TRPM3: variants seen among roughly 807,000 people sequenced by gnomAD.
The protein encoded by TRPM3 is transient receptor potential cation channel subfamily M member 3.
A neutral mutation model predicts 181.2 loss-of-function variants in TRPM3; 77 were observed. The ratio of observed to expected loss-of-function variants is 0.42; its 90% confidence interval spans 0.35 to 0.51. The LOEUF (loss-of-function observed/expected upper bound fraction) is 0.51, where lower values mean the gene tolerates loss of function less well. Among genes scored for constraint, TRPM3 ranks in the 20% least tolerant of loss-of-function variants. The pLI is 0.01. For missense variants in TRPM3, 1,759 were observed against 2,196.7 expected (o/e 0.80, Z 3.98); for synonymous variants, 745 against 796.4 (o/e 0.94, Z 1.09).
chr9:71,183,964 C>T (rs945718862), intron 1 of TRPM3, among the ~76,000 whole-genome samples: 7 of 152,106 alleles, frequency 4.6e-5, no homozygotes, highest in Non-Finnish European at 8.8e-5. Context: ...GCAATTCATT[C>T]AGGCCCCCAC....
chr9:71,340,265 A>T (rs1350096678), intron 1 of TRPM3, among the ~76,000 whole-genome samples: 1 of 152,150 alleles, frequency 6.6e-6, no homozygotes, highest in African/African-American at 2.4e-5. Context: ...GCTGGGCTGG[A>T]GTGAAAGGTA....
chr9:70,688,969 T>G (rs889848301), intron 8 of TRPM3, among the ~76,000 whole-genome samples: 1 of 152,090 alleles, frequency 6.6e-6, no homozygotes, highest in African/African-American at 2.4e-5. Context: ...ATTTGTTGAG[T>G]AGATGAATTA....
chr9:70,633,393 G>C (rs2066257733), intron 12 of TRPM3, among the ~76,000 whole-genome samples: 1 of 152,194 alleles, frequency 6.6e-6, no homozygotes, highest in Non-Finnish European at 1.5e-5. Context: ...GTTGAGGGTA[G>C]ATCTACTACG....
chr9:70,874,875 T>G (rs1387898907), intron 1 of TRPM3, among the ~76,000 whole-genome samples: 1 of 151,932 alleles, frequency 6.6e-6, no homozygotes, highest in Non-Finnish European at 1.5e-5. Context: ...TCTCTTTCTC[T>G]CTCTCTGTCT....
intron 1 of TRPM3, among the ~76,000 whole-genome samples, chr9:71,297,391 A>C (rs1388133682): frequency 6.6e-6 from 1 of 152,136 alleles, no homozygotes; most frequent in Non-Finnish European, 1.5e-5. Context: ...ATGCTGCTAT[A>C]AACAACTGCC....
Position 71,080,169 on chromosome 9 carries a change from T to C in TRPM3, c.177+41009A>G, listed in dbSNP as rs1565149060. 1.6e-4 allele frequency among the ~76,000 whole-genome samples: 4 copies of C among 24,956 alleles called. No homozygotes were observed. In the South Asian group the frequency reaches 4.3e-3, roughly 27 times the overall value. The allele number at this position is 24,956 out of a possible 152,430, so 16.4% of individuals were successfully genotyped here. A position where few individuals can be genotyped will look rare whatever the true frequency, so the allele number is the denominator to read the frequency against. ...TGGACAACAAGAGTCAAACTCCATC[T>C]CAAAATAAATAAATAAATAAATAAA... On this transcript the variant is annotated intron_variant, in intron 1 of 25. Coordinates refer to ENST00000677713, the MANE Select transcript of TRPM3 (RefSeq NM_001366145.2).
chr9:70,829,499 A>G (rs558648959), intron 5 of TRPM3, among the ~76,000 whole-genome samples: 6 of 152,324 alleles, frequency 3.9e-5, no homozygotes, highest in East Asian at 1.9e-4. Flanking sequence ...AAATGTGTAT[A>G]TAATTCTGAG....
intron 1 of TRPM3, among the ~76,000 whole-genome samples, chr9:71,036,925 A>T (rs2058276218): frequency 6.6e-6 from 1 of 152,234 alleles, no homozygotes; most frequent in Non-Finnish European, 1.5e-5. Context: ...GATATTTTGG[A>T]CAACCCACTA....
chr9:71,035,148 C>A (rs1236555540), intron 1 of TRPM3, among the ~76,000 whole-genome samples: 1 of 152,100 alleles, frequency 6.6e-6, no homozygotes, highest in Non-Finnish European at 1.5e-5. Context: ...AAATTCATTG[C>A]TTTTTCGTAA....
chr9:70,996,884 C>T (rs1305310228), intron 1 of TRPM3, among the ~76,000 whole-genome samples: 2 of 152,198 alleles, frequency 1.3e-5, no homozygotes, highest in Non-Finnish European at 2.9e-5. Context: ...TTTTGGATCA[C>T]AGGAAGTTTT....
At chr9:70,831,981 A>ATATATATATATATATATATATT (rs1564497373) in intron 5 of TRPM3, among the ~76,000 whole-genome samples, 6 of 119,396 alleles carry the variant, frequency 5.0e-5, no homozygotes, top group Non-Finnish European at 8.9e-5. Flanking sequence ...ATATATATAT[A>ATATATATATATATATATATATT]TATATATATA....
intron 6 of TRPM3, among the ~76,000 whole-genome samples, chr9:70,804,800 C>T (rs1261042152): frequency 6.6e-6 from 1 of 152,104 alleles, no homozygotes; most frequent in Non-Finnish European, 1.5e-5. Flanking sequence ...CTTTCTATCT[C>T]TCCTTAGCCC....
At chr9:70,966,541 C>T (rs902938798) in intron 1 of TRPM3, among the ~76,000 whole-genome samples, 1 of 152,094 alleles carries the variant, frequency 6.6e-6, no homozygotes, top group Non-Finnish European at 1.5e-5. Context: ...TACATATACA[C>T]CATGGAATAC....
At chr9:70,740,612 G>A (rs999154515) in intron 8 of TRPM3, among the ~76,000 whole-genome samples, 5 of 152,146 alleles carry the variant, frequency 3.3e-5, no homozygotes, top group African/African-American at 1.2e-4. Context: ...AAACAGCATG[G>A]TACTGGCATA....
At chr9:71,192,761 G>A (rs2078111463) in intron 1 of TRPM3, among the ~76,000 whole-genome samples, 1 of 151,676 alleles carries the variant, frequency 6.6e-6, no homozygotes, top group South Asian at 2.1e-4. Context: ...TTAGGTTGAT[G>A]TAGTCCCAAT....
Position 71,140,148 on chromosome 9 carries a change from T to C in TRPM3, c.184-275637A>G, listed in dbSNP as rs566696888. ...AACCTAGAATCAACAGCCTCAGACTTCTATTAATAATTATGCAAGATAATC... is the reference window on the plus strand; with the variant it reads ...AACCTAGAATCAACAGCCTCAGACTCCTATTAATAATTATGCAAGATAATC... On this transcript the variant is annotated intron_variant, in intron 1 of 24. Coordinates refer to the TRPM3 transcript ENST00000357533. Among the ~76,000 whole-genome samples the C allele has an allele frequency of 5.3e-5, 8 of 152,284 alleles. No homozygotes were observed. In the South Asian group the frequency reaches 1.7e-3, roughly 32 times the overall value.
intron 8 of TRPM3, chr9:70,761,334 A>C (rs1227211876): frequency 1.1e-5 from 7 of 625,784 alleles, no homozygotes; most frequent in Admixed American, 2.8e-5. Flanking sequence ...ACTTCAACTC[A>C]TTTTGTTGAG....
intron 1 of TRPM3, among the ~76,000 whole-genome samples, chr9:71,060,867 T>G (rs1296083185): frequency 5.9e-5 from 9 of 152,096 alleles, no homozygotes; most frequent in Non-Finnish European, 1.3e-4. Context: ...GTCAAGCTAC[T>G]TATACTTACC....
intron 21 of TRPM3, among the ~76,000 whole-genome samples, chr9:70,593,914 T>C (rs994343681): frequency 5.4e-5 from 8 of 147,380 alleles, no homozygotes; most frequent in Middle Eastern, 3.3e-3. Flanking sequence ...TTGTATAATA[T>C]ACATTATAAT....
Sources: gnomAD v4.1 joint callset for allele counts (sites outside exome capture counted in the v4.1 genomes callset) on GRCh38, gnomAD v4.1.1 for gene constraint, MANE v1.5 for transcripts, NCBI Gene and HGNC (gene_info 2026-07-23, HGNC 2026-07-21) for gene names.